The following OPCML variants were observed in gnomAD, a reference collection of about 807,000 sequenced individuals.
OPCML encodes the protein opioid-binding protein/cell adhesion molecule.
OPCML carries 13 observed loss-of-function variants against 37.8 expected under a neutral mutation model. That is an observed-to-expected ratio of 0.34 (90% CI 0.22 to 0.55). The LOEUF (loss-of-function observed/expected upper bound fraction) is 0.55. Among genes scored for constraint, OPCML ranks in the 20% least tolerant of loss-of-function variants. The pLI, the probability that OPCML is intolerant of heterozygous loss-of-function variation, is 0.91. For missense variants in OPCML, 341 were observed against 435.6 expected, an observed-to-expected ratio of 0.78 and a Z score of 1.93; for synonymous variants, 176 against 168.8, an observed-to-expected ratio of 1.04 and a Z score of -0.33.
chr11:132,618,954 TACACACACACACACACACACAC>T (rs6144570), intron 3 of OPCML, among the ~76,000 whole-genome samples: 142 of 145,548 alleles, frequency 9.8e-4, no homozygotes, highest in East Asian at 4.0e-3. Flanking sequence ...AGCACACGCA[TACACACACACACACACACACAC>T]ACACACACAC....
At chr11:133,155,852 C>T (rs1461789556) in intron 1 of OPCML, among the ~76,000 whole-genome samples, 1 of 152,156 alleles carries the variant, frequency 6.6e-6, no homozygotes, top group African/African-American at 2.4e-5. Flanking sequence ...ATCCTGGGGA[C>T]CATCCCTGCT....
At chr11:133,164,106 T>C (rs1264531158) in intron 1 of OPCML, among the ~76,000 whole-genome samples, 3 of 152,258 alleles carry the variant, frequency 2.0e-5, no homozygotes, top group Non-Finnish European at 2.9e-5. Flanking sequence ...TGCTCCTGTA[T>C]TAAGTGACCT....
chr11:132,943,137 C>T lies in OPCML; in HGVS notation c.62-127G>A, dbSNP rs1475880535. 3 of 1,607,572 alleles carry T rather than the reference C, an allele frequency of 1.9e-6. No individual in the cohort carries two copies. The Admixed American group carries it at 5.0e-5, about 27-fold the overall frequency. ...CCAGGACTCCGGCAGCCGCACAGTC[C>T]TGGTCCCCCGCCCCGCGCACCAGCG... On this transcript the variant is annotated intron_variant, in intron 1 of 7. Coordinates refer to ENST00000524381, the MANE Select transcript of OPCML (RefSeq NM_001012393.5). This position sits in a 1 kb window ranked among gnomAD's most constrained non-coding sequence, Gnocchi z 4.3.
intron 2 of OPCML, among the ~76,000 whole-genome samples, chr11:132,822,620 C>T (rs1015002091): frequency 2.6e-5 from 4 of 152,070 alleles, no homozygotes; most frequent in Non-Finnish European, 2.9e-5. Flanking sequence ...CCCAAGGAAA[C>T]AGTACTGGAA....
chr11:133,381,229 G>A (rs1236571761), intron 1 of OPCML, among the ~76,000 whole-genome samples: 2 of 152,180 alleles, frequency 1.3e-5, no homozygotes. Flanking sequence ...GAGAGGGTAG[G>A]AGCCTCACCT....
chr11:133,111,931 A>G (rs1949259946), intron 1 of OPCML, among the ~76,000 whole-genome samples: 1 of 152,146 alleles, frequency 6.6e-6, no homozygotes, highest in Admixed American at 6.5e-5. Context: ...ATTTTTCATC[A>G]GTTTTGCCAA....
chr11:132,639,181 C>T (rs889246941), intron 3 of OPCML, among the ~76,000 whole-genome samples: 2 of 152,166 alleles, frequency 1.3e-5, no homozygotes, highest in South Asian at 2.1e-4. Flanking sequence ...GCTTTTAACA[C>T]GTGAGGAAAG....
chr11:133,426,758 A>G (rs1327440197), intron 1 of OPCML, among the ~76,000 whole-genome samples: 1 of 152,292 alleles, frequency 6.6e-6, no homozygotes, highest in South Asian at 2.1e-4. Context: ...ACGTGGTAGA[A>G]AGAGGAAGAG....
intron 1 of OPCML, among the ~76,000 whole-genome samples, chr11:133,425,763 G>A (rs1945989973): frequency 6.6e-6 from 1 of 151,964 alleles, no homozygotes; most frequent in Non-Finnish European, 1.5e-5. Context: ...AAAATTTTCT[G>A]TACATAACAA....
chr11:132,586,224 T>C (rs1177631996), intron 3 of OPCML, among the ~76,000 whole-genome samples: 1 of 152,220 alleles, frequency 6.6e-6, no homozygotes, highest in East Asian at 1.9e-4. Context: ...GCCCCATCCC[T>C]AATCAAACTA....
At chr11:133,191,502 T>TGG (rs369470685) in intron 1 of OPCML, among the ~76,000 whole-genome samples, 162 of 119,278 alleles carry the variant, frequency 1.4e-3, no homozygotes, top group Middle Eastern at 4.8e-3. Context: ...TCTGTGTGTG[T>TGG]GGGTGTGTGT....
chr11:133,463,736 G>A (rs1226251520), intron 1 of OPCML, among the ~76,000 whole-genome samples: 1 of 152,014 alleles, frequency 6.6e-6, no homozygotes, highest in Non-Finnish European at 1.5e-5. Context: ...AGCTGATGGA[G>A]TAATTGGGCC....
chr11:132,997,912 G>C (rs1338676268), intron 1 of OPCML, among the ~76,000 whole-genome samples: 1 of 152,070 alleles, frequency 6.6e-6, no homozygotes, highest in Non-Finnish European at 1.5e-5. Flanking sequence ...TTCCCTTCAG[G>C]GTCCCTAACT....
At position 132,997,392 on chromosome 11, in the gene OPCML, T is replaced by C. The variant is rs181285093; in HGVS notation, c.62-54382A>G. Among the ~76,000 whole-genome samples, 308 of 152,114 alleles carry C rather than the reference T, an allele frequency of 2.0e-3. 3 individuals carry two copies. The highest frequency in any genetic ancestry group is 5.0e-3 in the Admixed American group (76 of 15,278). ...TGTAGATCTTTTTGTTCTGAGCTGGTGAATCAAATACACTTCCCTCTGCTA... is the reference window on the plus strand; with the variant it reads ...TGTAGATCTTTTTGTTCTGAGCTGGCGAATCAAATACACTTCCCTCTGCTA... On this transcript the variant is annotated intron_variant, in intron 1 of 7. Coordinates refer to ENST00000524381, the MANE Select transcript of OPCML (RefSeq NM_001012393.5).
intron 1 of OPCML, among the ~76,000 whole-genome samples, chr11:133,198,740 C>A (rs1373711557): frequency 6.6e-6 from 1 of 152,196 alleles, no homozygotes; most frequent in African/African-American, 2.4e-5. Context: ...CTACTGGGAG[C>A]AACAGGAGCT....
chr11:133,263,723 G>C (rs1385330227), intron 1 of OPCML, among the ~76,000 whole-genome samples: 1 of 152,194 alleles, frequency 6.6e-6, no homozygotes, highest in Non-Finnish European at 1.5e-5. Flanking sequence ...CACAAGGACA[G>C]AATGTGGGTG....
intron 1 of OPCML, among the ~76,000 whole-genome samples, chr11:133,443,283 G>A (rs912889382): frequency 1.2e-4 from 19 of 152,210 alleles, no homozygotes; most frequent in East Asian, 7.7e-4. Context: ...TTCTGTTTTA[G>A]GAAAGTGCTA....
At chr11:133,170,257 A>C (rs947983276) in intron 1 of OPCML, among the ~76,000 whole-genome samples, 4 of 152,226 alleles carry the variant, frequency 2.6e-5, no homozygotes, top group African/African-American at 9.6e-5. Context: ...CGGGCAGATC[A>C]CGAGGTCAGG....
At chr11:132,781,648 T>G (rs988288759) in intron 2 of OPCML, among the ~76,000 whole-genome samples, 32 of 149,952 alleles carry the variant, frequency 2.1e-4, no homozygotes, top group African/African-American at 6.9e-4. Context: ...TCTGGAAAAC[T>G]CTAATACAAT....
Sources: allele counts gnomAD v4.1 joint callset (sites outside exome capture counted in the v4.1 genomes callset), GRCh38; gene constraint gnomAD v4.1.1; non-coding constraint Gnocchi (gnomAD v3.1); transcripts MANE v1.5; gene names NCBI Gene and HGNC (gene_info 2026-07-23, HGNC 2026-07-21).